Variants in COG5 observed in about 807,000 individuals in gnomAD.
The protein encoded by COG5 is component of oligomeric golgi complex 5.
A neutral mutation model predicts 110.4 loss-of-function variants in COG5; 86 were observed. The observed-to-expected ratio is 0.78, with a 90% CI of 0.65 to 0.93. The LOEUF (loss-of-function observed/expected upper bound fraction) is 0.93. Ranked by LOEUF, COG5 falls within the 40% of genes least tolerant of loss-of-function variation. COG5 has a pLI of 0.00. For synonymous variants in COG5, 360 were observed against 334.6 expected, an observed-to-expected ratio of 1.08 and a Z score of -0.83; for missense variants, 1,077 against 987.0, an observed-to-expected ratio of 1.09 and a Z score of -1.22.
At chr7:107,447,674 C>T (rs1795089610) in intron 6 of COG5, among the ~76,000 whole-genome samples, 1 of 152,134 alleles carries the variant, frequency 6.6e-6, no homozygotes, top group Non-Finnish European at 1.5e-5. Flanking sequence ...CATATATTAT[C>T]TATAAGATGA....
rs34924876 is a variant in COG5 at position 107,563,546 on chromosome 7, G to GC, written c.94+256_94+257insG. 0.24 allele frequency: 44,430 copies of GC among 185,146 alleles called. 1,466 individuals carry two copies. Among genetic ancestry groups the GC allele is most frequent in the East Asian group, 0.27 (1,756 of 6,392 alleles). The allele number at this position is 185,146 out of a possible 1,614,324, so 11.5% of individuals were successfully genotyped here. On this transcript the variant is annotated intron_variant, in intron 1 of 21. Transcript: ENST00000297135. ...AAACTTCAGGGAAGCTGGAGGCATG[G>GC]GGGGGGGGGGGGTCGAGTTGAAATG...
At chr7:107,267,632 T>C (rs1360718284) in intron 14 of COG5, among the ~76,000 whole-genome samples, 1 of 152,188 alleles carries the variant, frequency 6.6e-6, no homozygotes, top group Non-Finnish European at 1.5e-5. Context: ...TTGATTATAG[T>C]ACAAACTAAA....
At chr7:107,213,376 T>C (rs1035519318) in intron 19 of COG5, among the ~76,000 whole-genome samples, 1 of 152,160 alleles carries the variant, frequency 6.6e-6, no homozygotes, top group African/African-American at 2.4e-5. Flanking sequence ...CTCCACCTAG[T>C]GTCAGAGCCC....
intron 14 of COG5, among the ~76,000 whole-genome samples, chr7:107,262,618 C>T (rs1313433044): frequency 1.3e-5 from 2 of 152,126 alleles, no homozygotes; most frequent in Admixed American, 6.6e-5. Context: ...GGGTTCTTGG[C>T]GTTGCCTGTC....
At chr7:107,563,522 A>C in intron 1 of COG5, 1 of 469,790 alleles carries the variant, frequency 2.1e-6, no homozygotes, top group Non-Finnish European at 3.9e-6. Flanking sequence ...GGGCTCCCGA[A>C]ACTTCAGGGA....
At chr7:107,483,706 TAAA>T (rs573563571) in intron 6 of COG5, among the ~76,000 whole-genome samples, 4 of 128,322 alleles carry the variant, frequency 3.1e-5, no homozygotes, top group Non-Finnish European at 3.4e-5. Context: ...AAACTGCATC[TAAA>T]AAAAAAAAAA....
chr7:107,350,447 T>C (rs1351695962), intron 10 of COG5, among the ~76,000 whole-genome samples: 2 of 152,220 alleles, frequency 1.3e-5, no homozygotes, highest in Non-Finnish European at 2.9e-5. Flanking sequence ...CAATTTTTTA[T>C]TCCATATTTT....
chr7:107,363,668 T>A (rs949409066), intron 8 of COG5, among the ~76,000 whole-genome samples: 3 of 151,978 alleles, frequency 2.0e-5, no homozygotes, highest in Admixed American at 1.3e-4. Context: ...CTAAGTGAAA[T>A]GTTATTGGCC....
chr7:107,493,877 GTTC>G (rs1798113388), intron 6 of COG5, among the ~76,000 whole-genome samples: 1 of 152,166 alleles, frequency 6.6e-6, no homozygotes, highest in Admixed American at 6.6e-5. Flanking sequence ...ATCTTCTGCT[GTTC>G]TTCTAAATAA....
chr7:107,344,152 C>G (rs977282663), intron 10 of COG5, among the ~76,000 whole-genome samples: 3 of 152,176 alleles, frequency 2.0e-5, no homozygotes, highest in Non-Finnish European at 4.4e-5. Flanking sequence ...TATGAAAGTC[C>G]TAGTTGGCAT....
intron 6 of COG5, among the ~76,000 whole-genome samples, chr7:107,493,659 G>A (rs1387752315): frequency 2.0e-5 from 3 of 152,156 alleles, no homozygotes; most frequent in Non-Finnish European, 2.9e-5. Context: ...CACAGGCTTA[G>A]ATGATATCTT....
At position 107,546,435 on chromosome 7, in the gene COG5, G is replaced by GTTTTTTTT. The variant is rs754919944; in HGVS notation, c.417+1668_417+1675dup. Among the ~76,000 whole-genome samples, 204 of 119,462 alleles carry GTTTTTTTT rather than the reference G, an allele frequency of 1.7e-3. 8 individuals are homozygous for GTTTTTTTT. The highest frequency in any genetic ancestry group is 4.1e-3 in the East Asian group (16 of 3,888). The allele number at this position is 119,462 out of a possible 152,430, so 78.4% of individuals were successfully genotyped here. ...ACCAAGAGTTGTGTTTTGGTTTTTT[G>GTTTTTTTT]TTTTTTTTTTTTTTTTTTGAGACAA... On this transcript the variant is annotated intron_variant, in intron 5 of 21. Transcript: ENST00000297135.
intron 16 of COG5, among the ~76,000 whole-genome samples, chr7:107,253,510 A>G (rs1448398319): frequency 6.6e-6 from 1 of 152,172 alleles, no homozygotes; most frequent in Admixed American, 6.5e-5. Context: ...CTATCTGCAC[A>G]AGACAAATCT....
intron 14 of COG5, among the ~76,000 whole-genome samples, chr7:107,271,611 C>G (rs190767870): frequency 1.5e-4 from 23 of 152,058 alleles, no homozygotes; most frequent in Middle Eastern, 3.4e-3. Context: ...CTGTTTGTAG[C>G]TGGTAGATAG....
chr7:107,287,484 T>C (rs147499767), intron 12 of COG5, among the ~76,000 whole-genome samples: 2,247 of 152,284 alleles, frequency 0.015, 53 homozygotes, highest in African/African-American at 0.052. Flanking sequence ...ATATATAATT[T>C]ACATAGCATA....
At chr7:107,248,588 TAACA>T in intron 16 of COG5, 89 bp from the exon 17 acceptor site, 2 of 849,766 alleles carry the variant, frequency 2.4e-6, no homozygotes, top group South Asian at 1.4e-5. Context: ...ACACCGTGAC[TAACA>T]GTTTTCATAT....
intron 16 of COG5, among the ~76,000 whole-genome samples, chr7:107,252,255 T>C (rs1457940976): frequency 6.6e-6 from 1 of 152,048 alleles, no homozygotes; most frequent in East Asian, 1.9e-4. Flanking sequence ...CACAAAAGGA[T>C]AGTAAGTATT....
chr7:107,311,117 C>T (rs1808195271), intron 11 of COG5, among the ~76,000 whole-genome samples: 1 of 152,158 alleles, frequency 6.6e-6, no homozygotes, highest in Admixed American at 6.5e-5. Context: ...TGCATCTATG[C>T]GATAGATCCT....
intron 6 of COG5, among the ~76,000 whole-genome samples, chr7:107,476,668 C>T (rs957339062): frequency 9.9e-5 from 15 of 151,632 alleles, no homozygotes; most frequent in Non-Finnish European, 2.1e-4. Context: ...GTCAATATCA[C>T]TATCAGAAAT....
Sources: allele counts gnomAD v4.1 joint callset (sites outside exome capture counted in the v4.1 genomes callset), GRCh38; gene constraint gnomAD v4.1.1; transcripts MANE v1.5; gene names NCBI Gene and HGNC (gene_info 2026-07-23, HGNC 2026-07-21).